SPIRE1: variants seen among roughly 807,000 people sequenced by gnomAD.
SPIRE1 encodes the protein spire type actin nucleation factor 1.
Under a neutral mutation model 94.1 loss-of-function variants are expected in SPIRE1, and 40 were observed. That is an observed-to-expected ratio of 0.43 (90% CI 0.33 to 0.55). The LOEUF (loss-of-function observed/expected upper bound fraction) is 0.55, where lower values mean the gene tolerates loss of function less well. Ranked by LOEUF, SPIRE1 falls within the 20% of genes least tolerant of loss-of-function variation. SPIRE1 has a pLI of 0.06. For synonymous variants in SPIRE1, 376 were observed against 371.7 expected, an observed-to-expected ratio of 1.01 and a Z score of -0.13; for missense variants, 838 against 975.2, an observed-to-expected ratio of 0.86 and a Z score of 1.87.
chr18:12,658,697 C>G, upstream of SPIRE1: 1 of 435,624 alleles, frequency 2.3e-6, no homozygotes, highest in Non-Finnish European at 4.9e-6. Context: ...GGCAGTTTCC[C>G]GTGACCCCGC....
At chr18:12,509,103 T>C (rs2033940050) in intron 5 of SPIRE1, among the ~76,000 whole-genome samples, 1 of 152,254 alleles carries the variant, frequency 6.6e-6, no homozygotes, top group Non-Finnish European at 1.5e-5. Flanking sequence ...TATGCATTCC[T>C]GGAGATTATA....
chr18:12,615,052 C>G (rs939389560), intron 2 of SPIRE1, among the ~76,000 whole-genome samples: 1 of 150,756 alleles, frequency 6.6e-6, no homozygotes, highest in Non-Finnish European at 1.5e-5. Flanking sequence ...TGGCTCGGAG[C>G]GGTAGGTCAT....
intron 2 of SPIRE1, among the ~76,000 whole-genome samples, chr18:12,580,454 G>C (rs1726689262): frequency 6.6e-6 from 1 of 152,010 alleles, no homozygotes; most frequent in South Asian, 2.1e-4. Context: ...CTCCCAAGTA[G>C]CTGGGGTTAC....
chr18:12,505,670 T>C (rs2033809458), intron 6 of SPIRE1, among the ~76,000 whole-genome samples: 1 of 152,154 alleles, frequency 6.6e-6, no homozygotes, highest in African/African-American at 2.4e-5. Context: ...GTTCCGCATC[T>C]AGGAACTTAA....
At chr18:12,558,131 C>T (rs980686387) in intron 2 of SPIRE1, among the ~76,000 whole-genome samples, 2 of 152,218 alleles carry the variant, frequency 1.3e-5, no homozygotes, top group African/African-American at 4.8e-5. Flanking sequence ...GCCGCGGACC[C>T]TTGCAGTGTT....
chr18:12,556,357 T>C (rs2035503309), intron 2 of SPIRE1, among the ~76,000 whole-genome samples: 1 of 152,162 alleles, frequency 6.6e-6, no homozygotes, highest in South Asian at 2.1e-4. Context: ...GCCAAAGGTA[T>C]CCTAAGCAAA....
chr18:12,451,072 G>T, intron 16 of SPIRE1: 3 of 271,732 alleles, frequency 1.1e-5, no homozygotes, highest in South Asian at 9.7e-5. Flanking sequence ...CTGTCCATTT[G>T]AAAAAAAAAA....
chr18:12,642,143 A>C (rs1238375488), intron 1 of SPIRE1, among the ~76,000 whole-genome samples: 1 of 152,192 alleles, frequency 6.6e-6, no homozygotes, highest in Non-Finnish European at 1.5e-5. Context: ...AATTTTAAAT[A>C]TCTCTCATGG....
intron 2 of SPIRE1, among the ~76,000 whole-genome samples, chr18:12,622,703 T>A (rs2037511353): frequency 6.6e-6 from 1 of 152,224 alleles, no homozygotes; most frequent in Admixed American, 6.5e-5. Flanking sequence ...ATTACAGGCG[T>A]GAGCCACTGT....
chr18:12,657,751 G>C lies in SPIRE1; in HGVS notation c.116C>G (p.Ala39Gly). Residue 39 changes from alanine to glycine, a missense_variant, in exon 1 of 17, where the codon GCG (alanine) becomes GGG (glycine). By Grantham distance (60) the Ala-to-Gly change is moderately conservative (BLOSUM62 0). This residue lies in a region of SPIRE1 where 193 missense variants were observed against 170.5 expected (regional missense o/e 1.13). Transcript: ENST00000409402. ...CCGCAGGATCTCCTCCAGGCTCAGC[G>C]CGTCCCGGGAGCCCCCGGCCGCGCC... ...AGGAAGGSRD[A>G]LSLEEILRLY... The C allele has an allele frequency of 7.3e-7, 1 of 1,364,640 alleles. No individual in the cohort carries two copies. Among genetic ancestry groups the C allele is most frequent in the Non-Finnish European group, 9.5e-7 (1 of 1,048,966 alleles). 84.5% of individuals were successfully genotyped at this position (1,364,640 alleles called of 1,614,324 possible).
intron 5 of SPIRE1, among the ~76,000 whole-genome samples, chr18:12,507,801 T>A (rs1395889661): frequency 6.6e-6 from 1 of 152,118 alleles, no homozygotes; most frequent in Non-Finnish European, 1.5e-5. Context: ...AGTCTCTACT[T>A]GAGTGAAGTC....
intron 2 of SPIRE1, among the ~76,000 whole-genome samples, chr18:12,547,884 T>C (rs1033068703): frequency 3.3e-5 from 5 of 152,108 alleles, no homozygotes; most frequent in East Asian, 1.9e-4. Context: ...GGAGCTGACA[T>C]TGCGCCACTG....
At chr18:12,602,257 T>C (rs1325328743) in intron 2 of SPIRE1, among the ~76,000 whole-genome samples, 1 of 152,108 alleles carries the variant, frequency 6.6e-6, no homozygotes, top group African/African-American at 2.4e-5. Context: ...GAAATGGTAG[T>C]AAAAAACAGA....
At chr18:12,502,329 A>T (rs1253732596) in intron 6 of SPIRE1, among the ~76,000 whole-genome samples, 1 of 152,240 alleles carries the variant, frequency 6.6e-6, no homozygotes, top group African/African-American at 2.4e-5. Flanking sequence ...ATTAATGATA[A>T]ATCAAATAGA....
At chr18:12,558,719 T>A (rs1484556304) in intron 2 of SPIRE1, among the ~76,000 whole-genome samples, 2 of 151,976 alleles carry the variant, frequency 1.3e-5, no homozygotes, top group Non-Finnish European at 2.9e-5. Context: ...CGCACCAGAT[T>A]AGCTAGATAT....
intron 2 of SPIRE1, among the ~76,000 whole-genome samples, chr18:12,576,690 C>T (rs2036110611): frequency 6.6e-6 from 1 of 150,940 alleles, no homozygotes; most frequent in Admixed American, 6.6e-5. Context: ...GAGATCGAGA[C>T]CATCCTGGCT....
intron 2 of SPIRE1, among the ~76,000 whole-genome samples, chr18:12,553,992 G>T (rs910472207): frequency 1.3e-5 from 2 of 152,062 alleles, no homozygotes. Flanking sequence ...AATCAAAGAC[G>T]TAAAAGGAGA....
At chr18:12,489,481 G>C (rs866340742) in intron 8 of SPIRE1, among the ~76,000 whole-genome samples, 47 of 152,122 alleles carry the variant, frequency 3.1e-4, no homozygotes, top group African/African-American at 1.1e-3. Flanking sequence ...TTTCTTGGGA[G>C]ATGACATTTA....
At chr18:12,541,403 T>G (rs1390988011) in intron 3 of SPIRE1, among the ~76,000 whole-genome samples, 2 of 152,212 alleles carry the variant, frequency 1.3e-5, no homozygotes, top group African/African-American at 4.8e-5. Flanking sequence ...AAGAGAGGTA[T>G]TTTAAACCTC....
Sources: gnomAD v4.1 joint callset for allele counts (sites outside exome capture counted in the v4.1 genomes callset) on GRCh38, gnomAD v4.1.1 for gene constraint, gnomAD v4.1.1 regional missense constraint, MANE v1.5 for transcripts, NCBI Gene and HGNC (gene_info 2026-07-23, HGNC 2026-07-21) for gene names.